Variants in GAB1 observed in about 807,000 individuals in gnomAD.
GAB1 encodes GRB2-associated-binding protein 1.
A neutral mutation model predicts 66.5 loss-of-function variants in GAB1; 19 were observed. That is an observed-to-expected ratio of 0.29 (90% CI 0.20 to 0.42). The LOEUF is 0.42. Ranked by LOEUF, GAB1 falls within the 10% of genes least tolerant of loss-of-function variation. The pLI is 1.00. For synonymous variants in GAB1, 294 were observed against 301.4 expected (o/e 0.98, Z 0.25); for missense variants, 732 against 858.5 (o/e 0.85, Z 1.84).
chr4:143,442,374 C>T (rs1014516080), intron 6 of GAB1, among the ~76,000 whole-genome samples: 18 of 152,102 alleles, frequency 1.2e-4, no homozygotes, highest in African/African-American at 4.3e-4. Context: ...TTAAGTCCTA[C>T]CTCCCTTGCT....
At chr4:143,422,855 A>T (rs1733096736) in intron 2 of GAB1, among the ~76,000 whole-genome samples, 1 of 152,224 alleles carries the variant, frequency 6.6e-6, no homozygotes, top group Non-Finnish European at 1.5e-5. Flanking sequence ...GATGTTAATT[A>T]TACTCTTCAT....
At chr4:143,390,639 G>A (rs921837250) in intron 1 of GAB1, among the ~76,000 whole-genome samples, 4 of 152,114 alleles carry the variant, frequency 2.6e-5, no homozygotes, top group Non-Finnish European at 5.9e-5. Context: ...CTACATAATA[G>A]TGTTCATACC....
intron 2 of GAB1, among the ~76,000 whole-genome samples, chr4:143,432,904 T>TA (rs1229302737): frequency 6.6e-6 from 1 of 152,194 alleles, no homozygotes; most frequent in Non-Finnish European, 1.5e-5. Flanking sequence ...CAAATAAAGT[T>TA]ATGAGCTGAG....
chr4:143,434,431 T>C lies in GAB1; in HGVS notation c.593+715T>C, dbSNP rs146518628. ...TGCCCATGGCTCACTCATAGCTCACTGTAACCCCAAACTCCTGGGCTCAAG... is the reference window on the plus strand; with the variant it reads ...TGCCCATGGCTCACTCATAGCTCACCGTAACCCCAAACTCCTGGGCTCAAG... On this transcript the variant is annotated intron_variant, in intron 3 of 9. Transcript: ENST00000262994. Among the ~76,000 whole-genome samples, 185 of 151,392 alleles carry C rather than the reference T, an allele frequency of 1.2e-3. 1 individual carries two copies. Among genetic ancestry groups the C allele is most frequent in the African/African-American group, 3.8e-3 (155 of 41,300 alleles).
chr4:143,377,587 A>G (rs575667378), intron 1 of GAB1, among the ~76,000 whole-genome samples: 55 of 152,272 alleles, frequency 3.6e-4, no homozygotes, highest in African/African-American at 1.2e-3. Context: ...GATCATTATG[A>G]TATTATGCTA....
chr4:143,438,043 G>A lies in GAB1; in HGVS notation c.638G>A (p.Cys213Tyr). ...AAATCCACCTCTTCTGAAACAGACT[G>A]CAATGATAACGTCCCTTCTCATAAA... The part of the protein sequence containing the change: ...SAKSTSSETD[C>Y]NDNVPSHKNP... The change falls in exon 4 of 10, where the codon TGC becomes TAC. Residue 213 changes from cysteine to tyrosine, a missense_variant. Physicochemically the swap from Cys to Tyr is radical, Grantham distance 194. Transcript: ENST00000262994. 6.2e-7 allele frequency: 1 copy of A among 1,613,850 alleles called. No individual in the cohort carries two copies. Among genetic ancestry groups the A allele is most frequent in the Non-Finnish European group, 8.5e-7 (1 of 1,179,808 alleles).
At chr4:143,425,929 A>C in intron 2 of GAB1, 1 of 1,183,284 alleles carries the variant, frequency 8.5e-7, no homozygotes, top group Admixed American at 1.7e-5. Context: ...GGAAGGTCTT[A>C]AGCTGTTCTT....
intron 1 of GAB1, among the ~76,000 whole-genome samples, chr4:143,363,319 G>A (rs1357775171): frequency 1.3e-5 from 2 of 152,220 alleles, no homozygotes; most frequent in Non-Finnish European, 2.9e-5. Context: ...CAGAGCTACA[G>A]ACTCAGGAGT....
At chr4:143,438,841 G>T (rs1734078166) in intron 4 of GAB1, among the ~76,000 whole-genome samples, 1 of 152,116 alleles carries the variant, frequency 6.6e-6, no homozygotes, top group Admixed American at 6.6e-5. Flanking sequence ...GCCTCAGGAA[G>T]TGTGCCCTTC....
At chr4:143,413,824 C>CCTTTTT (rs61697817) in intron 1 of GAB1, among the ~76,000 whole-genome samples, 9 of 67,824 alleles carry the variant, frequency 1.3e-4, no homozygotes, top group African/African-American at 7.5e-4. Context: ...CCCCGCTGCC[C>CCTTTTT]TTTTTTTTTT....
At chr4:143,350,059 C>G (rs1243831300) in intron 1 of GAB1, 54 of 1,525,338 alleles carry the variant, frequency 3.5e-5, no homozygotes, top group Admixed American at 5.6e-5. Context: ...ACCGCGGTTC[C>G]CCATCCCAGG....
intron 6 of GAB1, among the ~76,000 whole-genome samples, chr4:143,450,043 G>T (rs1407452582): frequency 6.6e-6 from 1 of 152,038 alleles, no homozygotes; most frequent in East Asian, 1.9e-4. Flanking sequence ...TGATAAACAG[G>T]TATTAAAGTT....
rs1418014009 is a variant in GAB1 at position 143,423,798 on chromosome 4, A to G, written c.367+8027A>G. Among the ~76,000 whole-genome samples the G allele has an allele frequency of 1.4e-3, 33 of 23,626 alleles. 1 individual carries two copies. The highest frequency in any genetic ancestry group is 9.7e-3 in the East Asian group (21 of 2,156). The allele number at this position is 23,626 out of a possible 152,430, so 15.5% of individuals were successfully genotyped here. The stretch of plus-strand genomic sequence containing the variant: ...CTCAAAAAAAAAAAAAAGTGTATAT[A>G]TATATATATATATATATATATATAT... On this transcript the variant is annotated intron_variant, in intron 2 of 9. Coordinates refer to ENST00000262994, the MANE Select transcript of GAB1 (RefSeq NM_002039.4).
At chr4:143,382,582 T>C (rs1042175010) in intron 1 of GAB1, among the ~76,000 whole-genome samples, 8 of 152,218 alleles carry the variant, frequency 5.3e-5, no homozygotes, top group Non-Finnish European at 1.0e-4. Flanking sequence ...CAAAGTCCTG[T>C]TTTGCTCTGT....
At chr4:143,432,598 C>CAT (rs10690010) in intron 2 of GAB1, among the ~76,000 whole-genome samples, 18,476 of 152,072 alleles carry the variant, frequency 0.12, 2,644 homozygotes, top group African/African-American at 0.35. Context: ...TCTATAATAA[C>CAT]AAATTTTAAG....
chr4:143,464,006 A>C (rs1230107595), intron 8 of GAB1, among the ~76,000 whole-genome samples: 1 of 152,230 alleles, frequency 6.6e-6, no homozygotes, highest in Admixed American at 6.5e-5. Flanking sequence ...TTCTAATCAG[A>C]GAAATGGAGG....
chr4:143,345,433 A>G (rs1386740840), intron 1 of GAB1, among the ~76,000 whole-genome samples: 1 of 152,232 alleles, frequency 6.6e-6, no homozygotes, highest in African/African-American at 2.4e-5. Flanking sequence ...CAAGAGTCCA[A>G]ACATTTCAAT....
chr4:143,434,020 T>C, intron 3 of GAB1: 1 of 898,506 alleles, frequency 1.1e-6, no homozygotes, highest in Non-Finnish European at 1.6e-6. Flanking sequence ...ACAGTATTAC[T>C]TGCTTAACAG....
intron 1 of GAB1, among the ~76,000 whole-genome samples, chr4:143,397,251 T>G (rs1463201755): frequency 6.6e-6 from 1 of 152,138 alleles, no homozygotes; most frequent in African/African-American, 2.4e-5. Flanking sequence ...AAAAAAATGA[T>G]TACACATTGT....
Sources: allele counts gnomAD v4.1 joint callset (sites outside exome capture counted in the v4.1 genomes callset), GRCh38; gene constraint gnomAD v4.1.1; transcripts MANE v1.5; gene names NCBI Gene and HGNC (gene_info 2026-07-23, HGNC 2026-07-21).